Variants in TRAPPC2L observed in about 807,000 individuals in gnomAD.
TRAPPC2L encodes the protein trafficking protein particle complex subunit 2L, also known as trafficking protein particle complex subunit 2-like protein.
Under a neutral mutation model 13.2 loss-of-function variants are expected in TRAPPC2L, and 17 were observed. The observed-to-expected ratio is 1.29, with a 90% CI of 0.88 to 1.93. The LOEUF (loss-of-function observed/expected upper bound fraction) is 1.93. Ranked by LOEUF, TRAPPC2L falls within the 30% of genes most tolerant of loss-of-function variation. The pLI, the probability that TRAPPC2L is intolerant of heterozygous loss-of-function variation, is 0.00. For missense variants in TRAPPC2L, 359 were observed against 252.1 expected (o/e 1.42, Z -2.87); for synonymous variants, 150 against 98.1 (o/e 1.53, Z -3.12).
chr16:88,861,641 GCTGA>G lies in TRAPPC2L; in HGVS notation c.*1320_*1323del, dbSNP rs778360504. 6.8e-5 allele frequency: 34 copies of G among 498,626 alleles called. 1 individual carries two copies. The Middle Eastern group carries it at 2.9e-3, about 43-fold the overall frequency. 30.9% of individuals were successfully genotyped at this position (498,626 alleles called of 1,614,324 possible). A position where few individuals can be genotyped will look rare whatever the true frequency, so the allele number is the denominator to read the frequency against. On this transcript the variant is annotated 3_prime_UTR_variant, in exon 4 of 4. Coordinates refer to ENST00000565504, the Ensembl canonical transcript of TRAPPC2L. ...GGGTGCTGTGTCACTTGATGACGTGGCTGACTACCACCCAGGGCAGCGGCCGAGC... is the reference window on the plus strand; with the variant it reads ...GGGTGCTGTGTCACTTGATGACGTGGCTACCACCCAGGGCAGCGGCCGAGC...
chr16:88,859,966 A>G (rs1230141153), exon 4 of TRAPPC2L: 1 of 1,614,106 alleles, frequency 6.2e-7, no homozygotes, highest in Non-Finnish European at 8.5e-7. Flanking sequence ...GACCGCATCC[A>G]GTCCAGGTGG....
chr16:88,862,396 C>T (rs1184748527), exon 4 of TRAPPC2L: 4 of 152,392 alleles, frequency 2.6e-5, no homozygotes, highest in Admixed American at 2.6e-4. Context: ...CAGGGAAGCT[C>T]CTGTGAAGGG....
intron 2 of TRAPPC2L, 139 bp from the exon 3 acceptor site, chr16:88,859,524 C>T: frequency 1.2e-6 from 1 of 845,874 alleles, no homozygotes. Context: ...TTGTACCCAG[C>T]ACGGCCACTG....
In TRAPPC2L at chr16:88,859,672, C is replaced by T. The variant is rs77686150; in HGVS notation, c.216C>T (p.Tyr72=). ...CTAACCAGCTGTGCAGATACGGCTA[C>T]GTCACCAACTCCAAGGTGAAGTTTG... is the stretch of plus-strand genomic sequence containing the variant. The change falls in exon 3 of 4, where the codon TAC becomes TAT. Residue 72 remains tyrosine (Y), a synonymous_variant. Transcript: ENST00000565504. 491 of 1,613,674 alleles carry T rather than the reference C, an allele frequency of 3.0e-4. 2 individuals are homozygous for T. In the African/African-American group the frequency reaches 5.8e-3, roughly 19 times the overall value.
chr16:88,857,855 G>A (rs2143014746), intron 1 of TRAPPC2L, among the ~76,000 whole-genome samples: 1 of 152,370 alleles, frequency 6.6e-6, no homozygotes, highest in South Asian at 2.1e-4. Flanking sequence ...TGAGCTGGGT[G>A]GCTGCCCACA....
exon 4 of TRAPPC2L, chr16:88,860,769 C>T: frequency 2.3e-6 from 2 of 874,382 alleles, no homozygotes; most frequent in East Asian, 2.6e-5. Flanking sequence ...GGACTCCTGT[C>T]CTGGCCTCTC....
intron 2 of TRAPPC2L, chr16:88,859,276 C>A: frequency 1.7e-6 from 1 of 584,658 alleles, no homozygotes; most frequent in South Asian, 1.5e-5. Flanking sequence ...CTAGTAGCCA[C>A]TATTTTACAA....
At chr16:88,858,627 C>T (rs922660258) in exon 2 of TRAPPC2L, 6 of 1,612,690 alleles carry the variant, frequency 3.7e-6, no homozygotes, top group Admixed American at 1.7e-5. Context: ...AGAATTACCC[C>T]CTCTACATTC....
intron 1 of TRAPPC2L, 135 bp from the exon 2 acceptor site, chr16:88,858,484 A>G: frequency 1.1e-6 from 1 of 871,178 alleles, no homozygotes; most frequent in Non-Finnish European, 1.8e-6. Flanking sequence ...CGGCATAGAG[A>G]ATGAAGCGGT....
exon 4 of TRAPPC2L, chr16:88,860,147 A>G (rs116377277): frequency 2.8e-6 from 2 of 717,058 alleles, no homozygotes; most frequent in East Asian, 2.7e-5. Flanking sequence ...CTCCACACCA[A>G]CTCTTACACA....
rs1295092098 is a variant in TRAPPC2L at position 88,859,647 on chromosome 16, C to G, written c.207-16C>G. 1 of 1,613,382 alleles carries G rather than the reference C, an allele frequency of 6.2e-7. No individual in the cohort carries two copies. The highest frequency in any genetic ancestry group is 1.7e-5 in the Admixed American group (1 of 60,016). On this transcript the variant is annotated splice_polypyrimidine_tract_variant and intron_variant, in intron 2 of 3. Transcript: ENST00000565504. ...AGTCCCTGTGTTACGAGTGCCTTCC[C>G]TAACCAGCTGTGCAGATACGGCTAC...
rs1968250530 is a variant in TRAPPC2L at position 88,859,850 on chromosome 16, T to G, written c.295-43T>G. 7 of 1,582,594 alleles carry G rather than the reference T, an allele frequency of 4.4e-6. No individual in the cohort carries two copies. The African/African-American group carries it at 5.5e-5, about 12-fold the overall frequency. On this transcript the variant is annotated intron_variant, in intron 3 of 3. Coordinates refer to ENST00000565504, the Ensembl canonical transcript of TRAPPC2L. ...GAGAAACTAAAAATCTGGCAGTGGC[T>G]GTGTGTATGTGGCAAGGTCATGGTT...
Position 88,860,811 on chromosome 16 carries a change from G to T in TRAPPC2L, c.*487G>T, listed in dbSNP as rs369444197. 1.7e-5 allele frequency: 22 copies of T among 1,295,510 alleles called. 1 individual carries two copies. The African/African-American group carries it at 2.5e-4, about 15-fold the overall frequency. The allele number at this position is 1,295,510 out of a possible 1,614,324, so 80.3% of individuals were successfully genotyped here. ...GTTCACATTTCTGGACCCTGGAGAA[G>T]GTCCCGAGCATCCTGTGGATGGAGC... On this transcript the variant is annotated 3_prime_UTR_variant, in exon 4 of 4. Coordinates refer to ENST00000565504, the Ensembl canonical transcript of TRAPPC2L.
upstream of TRAPPC2L, chr16:88,856,392 T>A (rs113899369): frequency 1.4e-6 from 1 of 700,568 alleles, no homozygotes; most frequent in Non-Finnish European, 2.6e-6. Context: ...TTCCCAAGAG[T>A]AGAGGGCGGG....
exon 4 of TRAPPC2L, chr16:88,860,069 A>G (rs1968281874): frequency 8.2e-7 from 1 of 1,215,938 alleles, no homozygotes; most frequent in Admixed American, 1.7e-5. Context: ...ATAAGGGAGG[A>G]AAGATCTTTT....
At chr16:88,859,872 G>T (rs1203158973) in intron 3 of TRAPPC2L, 21 bp from the exon 4 acceptor site, 14 of 1,552,106 alleles carry the variant, frequency 9.0e-6, no homozygotes, top group Non-Finnish European at 1.2e-5. Flanking sequence ...GCAAGGTCAT[G>T]GTTTGCTGGG....
At chr16:88,860,195 G>A (rs1461589324) in exon 4 of TRAPPC2L, 2 of 708,342 alleles carry the variant, frequency 2.8e-6, no homozygotes, top group African/African-American at 1.7e-5. Context: ...TGTGTGTGGT[G>A]TGGGGAGTAG....
At chr16:88,861,412 G>A in exon 4 of TRAPPC2L, 1 of 347,628 alleles carries the variant, frequency 2.9e-6, no homozygotes, top group South Asian at 2.1e-5. Context: ...GCTTCCCACA[G>A]GGGAGGGCCC....
upstream of TRAPPC2L, chr16:88,856,806 G>T: frequency 6.5e-7 from 1 of 1,539,410 alleles, no homozygotes; most frequent in South Asian, 1.2e-5. Flanking sequence ...GGGCGCCCGA[G>T]GCCCCCATCC....
Sources: allele counts gnomAD v4.1 joint callset (sites outside exome capture counted in the v4.1 genomes callset), GRCh38; gene constraint gnomAD v4.1.1; transcripts MANE v1.5; gene names NCBI Gene and HGNC (gene_info 2026-07-23, HGNC 2026-07-21).